METTL23: variants seen among roughly 807,000 people sequenced by gnomAD.
METTL23 encodes the protein histone-arginine methyltransferase METTL23.
METTL23 carries 24 observed loss-of-function variants against 21.2 expected under a neutral mutation model. The observed-to-expected ratio is 1.13, with a 90% CI of 0.82 to 1.59. METTL23 has a LOEUF of 1.59. Among genes scored for constraint, METTL23 ranks in the 40% most tolerant of loss-of-function variants. The probability of loss-of-function intolerance (pLI) is 0.00; values close to 1 mark genes in which losing one functional copy is unlikely to be tolerated. For missense variants in METTL23, 276 were observed against 221.4 expected, an observed-to-expected ratio of 1.25 and a Z score of -1.57; for synonymous variants, 97 against 75.2, an observed-to-expected ratio of 1.29 and a Z score of -1.50.
intron 1 of METTL23, among the ~76,000 whole-genome samples, chr17:76,728,403 G>T (rs2143795299): frequency 8.2e-6 from 1 of 122,042 alleles, no homozygotes; most frequent in East Asian, 2.3e-4. Flanking sequence ...ACCCAATCTG[G>T]CTTCACGGAT....
chr17:76,733,784 T>G lies in METTL23; in HGVS notation c.*98T>G. The G allele has an allele frequency of 9.3e-7, 1 of 1,080,996 alleles. No individual in the cohort carries two copies. Among genetic ancestry groups the G allele is most frequent in the Admixed American group, 2.7e-5 (1 of 36,560 alleles). The allele number at this position is 1,080,996 out of a possible 1,614,324, so 67.0% of individuals were successfully genotyped here. On this transcript the variant is annotated 3_prime_UTR_variant, in exon 5 of 5. Coordinates refer to ENST00000341249, the MANE Select transcript of METTL23 (RefSeq NM_001080510.5). ...CACTTCAGCTTGAGAATGCAGTGGGTCTGAAGATGGTCAAGTCTGTTTGCC... is the reference window on the plus strand; with the variant it reads ...CACTTCAGCTTGAGAATGCAGTGGGGCTGAAGATGGTCAAGTCTGTTTGCC...
chr17:76,730,971 GGCGGGCGCCTGTA>G (rs2077180943), intron 2 of METTL23, among the ~76,000 whole-genome samples: 1 of 152,248 alleles, frequency 6.6e-6, no homozygotes, highest in South Asian at 2.1e-4. Flanking sequence ...CGGGCCTGGT[GGCGGGCGCCTGTA>G]GTCCCAGCTA....
upstream of METTL23, chr17:76,726,239 A>G: frequency 7.2e-7 from 1 of 1,385,628 alleles, no homozygotes; most frequent in Non-Finnish European, 9.4e-7. Context: ...GTGAGCCTCT[A>G]CGAGGTCCCG....
At chr17:76,726,685 C>T, upstream of METTL23, 1 of 623,650 alleles carries the variant, frequency 1.6e-6, no homozygotes. Context: ...TCTTCCCCGC[C>T]CCGACGCCTC....
At chr17:76,726,631 T>G (rs1171659897), upstream of METTL23, 19 of 1,018,364 alleles carry the variant, frequency 1.9e-5, no homozygotes, top group Non-Finnish European at 2.3e-5. Context: ...GAAAATTCAC[T>G]CCCCAGCCAC....
chr17:76,729,095 G>A (rs890607032), intron 1 of METTL23, among the ~76,000 whole-genome samples: 1 of 149,658 alleles, frequency 6.7e-6, no homozygotes, highest in African/African-American at 2.5e-5. Flanking sequence ...CACCACGCCC[G>A]GCCATTTTTT....
Position 76,733,100 on chromosome 17 carries a change from TAAC to T in METTL23, c.208_210del (p.Asn70del). ...TCTGTCGGCAAAGCTGCCAAATGAA[TAAC>T]CTGCCACATCTGCAGGTGGTAGGAC... On this transcript the variant is annotated inframe_deletion, in exon 3 of 5. Coordinates refer to ENST00000341249, the MANE Select transcript of METTL23 (RefSeq NM_001080510.5). 1 of 1,613,008 alleles carries T rather than the reference TAAC, an allele frequency of 6.2e-7. No individual in the cohort carries two copies. Among genetic ancestry groups the T allele is most frequent in the Non-Finnish European group, 8.5e-7 (1 of 1,179,422 alleles).
intron 1 of METTL23, among the ~76,000 whole-genome samples, chr17:76,728,420 T>TTTTTTTTTTGTTTGTTTGTTTGTTTG (rs1555649644): frequency 4.7e-5 from 6 of 127,782 alleles, no homozygotes; most frequent in African/African-American, 1.7e-4. Flanking sequence ...GGATTTTTTT[T>TTTTTTTTTTGTTTGTTTGTTTGTTTG]TTTTTTTTTG....
Position 76,733,592 on chromosome 17 carries a change from T to G in METTL23, c.479T>G (p.Phe160Cys), listed in dbSNP as rs2077340622. 1 of 1,613,848 alleles carries G rather than the reference T, an allele frequency of 6.2e-7. No individual in the cohort carries two copies. The highest frequency in any genetic ancestry group is 8.5e-7 in the Non-Finnish European group (1 of 1,179,868). The change falls in exon 5 of 5, where the codon TTT becomes TGT. Residue 160 changes from phenylalanine (F) to cysteine (C), a missense_variant. Phe to Cys is a radical substitution (Grantham distance 205). Coordinates refer to ENST00000341249, the MANE Select transcript of METTL23 (RefSeq NM_001080510.5). ...MKCVHIPLES[F>C]DADKEDIAES... ...TGTGTCCACATTCCTCTTGAGTCTT[T>G]TGATGCAGACAAAGAAGATATAGCA...
chr17:76,729,561 A>C (rs2077108509), intron 1 of METTL23, 129 bp from the exon 2 acceptor site: 2 of 632,484 alleles, frequency 3.2e-6, no homozygotes, highest in Admixed American at 5.3e-5. Flanking sequence ...ATATCCCCAA[A>C]GGTCGTGGAT....
intron 2 of METTL23, chr17:76,732,678 G>A: frequency 2.5e-6 from 1 of 406,736 alleles, no homozygotes; most frequent in South Asian, 2.8e-5. Context: ...CATGGCAGAG[G>A]AATCAAGTGC....
chr17:76,731,276 A>G (rs2077197336), intron 2 of METTL23, among the ~76,000 whole-genome samples: 1 of 152,200 alleles, frequency 6.6e-6, no homozygotes. Flanking sequence ...CTGCATCTCA[A>G]AAGAATAAAG....
In METTL23 at chr17:76,732,845, T is replaced by C. The variant is rs2077284384; in HGVS notation, c.85-133T>C. Reference sequence around the variant, plus strand: ...TATAGTAATGTTCAGTTACGGTACATTTTATACAAACCCAGAAAGACTGAC... The same window carrying C: ...TATAGTAATGTTCAGTTACGGTACACTTTATACAAACCCAGAAAGACTGAC... On this transcript the variant is annotated intron_variant, in intron 2 of 4. Transcript: ENST00000341249. The C allele has an allele frequency of 5.5e-6, 4 of 730,954 alleles. No individual in the cohort carries two copies. The East Asian group carries it at 1.1e-4, about 20-fold the overall frequency. The allele number at this position is 730,954 out of a possible 1,614,324, so 45.3% of individuals were successfully genotyped here. A position where few individuals can be genotyped will look rare whatever the true frequency, so the allele number is the denominator to read the frequency against.
intron 1 of METTL23, 40 bp from the exon 2 acceptor site, chr17:76,729,650 C>A: frequency 1.5e-6 from 2 of 1,355,016 alleles, no homozygotes; most frequent in Non-Finnish European, 2.1e-6. Flanking sequence ...CAACTTCCAG[C>A]AGCTAAATTA....
intron 2 of METTL23, among the ~76,000 whole-genome samples, chr17:76,731,971 G>A (rs949634623): frequency 6.6e-6 from 1 of 152,226 alleles, no homozygotes; most frequent in South Asian, 2.1e-4. Context: ...CCGCTTTGAA[G>A]GCCCAACTGG....
Position 76,729,687 on chromosome 17 carries a change from C to G in METTL23, c.-21-3C>G. On this transcript the variant is annotated splice_region_variant and splice_polypyrimidine_tract_variant and intron_variant, in intron 1 of 4. Transcript: ENST00000341249. ...TTATGGCACACAAAAACATTCTTTT[C>G]AGGTCCTGCATCTCCAGTATGGAAT... The G allele has an allele frequency of 6.4e-7, 1 of 1,553,822 alleles. No individual in the cohort carries two copies. Among genetic ancestry groups the G allele is most frequent in the East Asian group, 2.3e-5 (1 of 43,294 alleles).
intron 2 of METTL23, among the ~76,000 whole-genome samples, chr17:76,732,434 G>C (rs2077252664): frequency 6.6e-6 from 1 of 151,984 alleles, no homozygotes; most frequent in Non-Finnish European, 1.5e-5. Flanking sequence ...GGAGGCGGGG[G>C]TTGCAGTGAG....
At chr17:76,727,402 T>C (rs1005647421) in intron 1 of METTL23, 2 of 301,098 alleles carry the variant, frequency 6.6e-6, no homozygotes, top group African/African-American at 4.5e-5. Flanking sequence ...CTGGTCACTA[T>C]GTTGGTCAGG....
At chr17:76,732,307 C>T (rs1423507547) in intron 2 of METTL23, among the ~76,000 whole-genome samples, 1 of 152,122 alleles carries the variant, frequency 6.6e-6, no homozygotes, top group African/African-American at 2.4e-5. Flanking sequence ...CAAGACCAGC[C>T]TGACCAACAG....
Sources: gnomAD v4.1 joint callset for allele counts (sites outside exome capture counted in the v4.1 genomes callset) on GRCh38, gnomAD v4.1.1 for gene constraint, MANE v1.5 for transcripts, NCBI Gene and HGNC (gene_info 2026-07-23, HGNC 2026-07-21) for gene names.